SCGN: variants seen among roughly 807,000 people sequenced by gnomAD.
SCGN encodes the protein secretagogin.
A neutral mutation model predicts 39.7 loss-of-function variants in SCGN; 30 were observed. The ratio of observed to expected loss-of-function variants is 0.76; its 90% CI spans 0.57 to 1.03. The LOEUF is 1.03. Ranked by LOEUF, SCGN falls within the 50% of genes least tolerant of loss-of-function variation. The pLI is 0.00. For missense variants in SCGN, 353 were observed against 349.4 expected, an observed-to-expected ratio of 1.01 and a Z score of -0.08; for synonymous variants, 106 against 114.1, an observed-to-expected ratio of 0.93 and a Z score of 0.45.
intron 10 of SCGN, among the ~76,000 whole-genome samples, chr6:25,700,241 CAAAA>C (rs34079471): frequency 2.0e-5 from 2 of 100,870 alleles, no homozygotes; most frequent in African/African-American, 7.9e-5. Context: ...GACTTCGTCT[CAAAA>C]AAAAAAAAAA....
chr6:25,654,722 C>A (rs1196297527), intron 2 of SCGN, among the ~76,000 whole-genome samples: 1 of 152,042 alleles, frequency 6.6e-6, no homozygotes, highest in African/African-American at 2.4e-5. Flanking sequence ...ACCTTCATTT[C>A]TTTTCTCCAC....
chr6:25,697,862 G>T (rs1052647496), intron 10 of SCGN, among the ~76,000 whole-genome samples: 4 of 152,172 alleles, frequency 2.6e-5, no homozygotes, highest in Admixed American at 2.0e-4. Context: ...TACACTTTGG[G>T]ACCTGACTGC....
rs183019046 is a variant in SCGN at position 25,678,049 on chromosome 6, A to G, written c.472-3902A>G. On this transcript the variant is annotated intron_variant, in intron 6 of 10. Transcript: ENST00000377961. ...CTGAAAAACTCCAAAGTCCCTGAGG[A>G]GTCTCTTGCCAGAGAATGGGAACTA... 4.5e-3 allele frequency among the ~76,000 whole-genome samples: 690 copies of G among 152,362 alleles called. 2 individuals are homozygous for G. Among genetic ancestry groups the G allele is most frequent in the Non-Finnish European group, 7.7e-3 (524 of 68,032 alleles).
chr6:25,696,178 C>T (rs1213666031), intron 10 of SCGN, among the ~76,000 whole-genome samples: 1 of 152,102 alleles, frequency 6.6e-6, no homozygotes, highest in Non-Finnish European at 1.5e-5. Flanking sequence ...AGAGCTAGCC[C>T]TTAGCAAAAA....
chr6:25,652,356 G>T lies in SCGN; in HGVS notation c.-48G>T, dbSNP rs769368063. 19 of 1,489,880 alleles carry T rather than the reference G, an allele frequency of 1.3e-5. No individual in the cohort carries two copies. Among genetic ancestry groups the T allele is most frequent in the Admixed American group, 5.0e-5 (3 of 59,430 alleles). The allele number at this position is 1,489,880 out of a possible 1,614,324, so 92.3% of individuals were successfully genotyped here. A position where few individuals can be genotyped will look rare whatever the true frequency, so the allele number is the denominator to read the frequency against. ...ATACGGTGAAGGAGTCCTTCCCAAA[G>T]TTGTCTAGGTCCTTCCGCGCCGGTG... is the stretch of plus-strand genomic sequence containing the variant. On this transcript the variant is annotated 5_prime_UTR_variant, in exon 1 of 11. Transcript: ENST00000377961.
At chr6:25,688,699 G>A (rs184630035) in intron 7 of SCGN, among the ~76,000 whole-genome samples, 24 of 151,196 alleles carry the variant, frequency 1.6e-4, no homozygotes, top group Non-Finnish European at 3.2e-4. Flanking sequence ...CTACTTGGGA[G>A]GCTGAGGCAG....
In SCGN at chr6:25,672,333, A is replaced by G. The variant is rs577322774; in HGVS notation, c.471+2257A>G. ...AGGGGAGACTGACAACAAATAATAA[A>G]TGTAATTAATAATGCATTATATTGC... On this transcript the variant is annotated intron_variant, in intron 6 of 10. Coordinates refer to ENST00000377961, the MANE Select transcript of SCGN (RefSeq NM_006998.4). Among the ~76,000 whole-genome samples, 12 of 152,358 alleles carry G rather than the reference A, an allele frequency of 7.9e-5. No homozygotes were observed. The South Asian group carries it at 1.9e-3, about 24-fold the overall frequency.
At chr6:25,680,435 C>T (rs1302443728) in intron 6 of SCGN, among the ~76,000 whole-genome samples, 1 of 152,178 alleles carries the variant, frequency 6.6e-6, no homozygotes, top group Non-Finnish European at 1.5e-5. Context: ...GATTCTTATT[C>T]TTACGTGAGC....
At chr6:25,655,651 T>C (rs1760214321) in intron 2 of SCGN, among the ~76,000 whole-genome samples, 2 of 147,644 alleles carry the variant, frequency 1.4e-5, no homozygotes, top group Admixed American at 6.8e-5. Context: ...AATTTCAGTA[T>C]GCCTGAGAAT....
chr6:25,697,481 G>A (rs1197666398), intron 10 of SCGN, among the ~76,000 whole-genome samples: 1 of 152,214 alleles, frequency 6.6e-6, no homozygotes, highest in Non-Finnish European at 1.5e-5. Flanking sequence ...TCCAGTGTTG[G>A]AGTCATGATG....
At chr6:25,681,860 G>A in intron 6 of SCGN, 91 bp from the exon 7 acceptor site, 1 of 1,076,794 alleles carries the variant, frequency 9.3e-7, no homozygotes, top group South Asian at 1.3e-5. Flanking sequence ...AGGCAAATAT[G>A]TAATCAGAAG....
intron 10 of SCGN, among the ~76,000 whole-genome samples, chr6:25,700,241 C>CA (rs34079471): frequency 0.019 from 1,903 of 100,822 alleles, 40 homozygotes; most frequent in African/African-American, 0.04. Flanking sequence ...GACTTCGTCT[C>CA]AAAAAAAAAA....
chr6:25,681,812 TA>T, intron 6 of SCGN, 138 bp from the exon 7 acceptor site: 1 of 679,318 alleles, frequency 1.5e-6, no homozygotes, highest in Non-Finnish European at 2.7e-6. Flanking sequence ...TGACAAATAC[TA>T]ATTTTCCCCC....
At position 25,697,979 on chromosome 6, in the gene SCGN, A is replaced by G. The variant is rs1029964685; in HGVS notation, c.703-3228A>G. Among the ~76,000 whole-genome samples, 5 of 152,230 alleles carry G rather than the reference A, an allele frequency of 3.3e-5. No homozygotes were observed. The South Asian group carries it at 6.2e-4, about 19-fold the overall frequency. On this transcript the variant is annotated intron_variant, in intron 10 of 10. Transcript: ENST00000377961. ...TCATCTATAAATTAATGATGAAAGT[A>G]GATACAACCTCCTAGGGTTGTTCTG...
intron 6 of SCGN, among the ~76,000 whole-genome samples, chr6:25,678,063 G>C (rs1759588340): frequency 6.6e-6 from 1 of 152,340 alleles, no homozygotes; most frequent in Non-Finnish European, 1.5e-5. Context: ...TCTTGCCAGA[G>C]AATGGGAACT....
At chr6:25,681,808 A>T in intron 6 of SCGN, 143 bp from the exon 7 acceptor site, 1 of 672,080 alleles carries the variant, frequency 1.5e-6, no homozygotes, top group Non-Finnish European at 2.7e-6. Context: ...TCTGTGACAA[A>T]TACTAATTTT....
intron 7 of SCGN, among the ~76,000 whole-genome samples, chr6:25,687,524 A>G (rs1759720747): frequency 2.0e-5 from 3 of 152,076 alleles, no homozygotes; most frequent in Admixed American, 2.0e-4. Context: ...TTTTTATATT[A>G]ATCTGGTATT....
intron 6 of SCGN, among the ~76,000 whole-genome samples, chr6:25,670,729 GT>G (rs1297530897): frequency 6.6e-6 from 1 of 152,192 alleles, no homozygotes; most frequent in African/African-American, 2.4e-5. Flanking sequence ...TGTCATCCTT[GT>G]TCCAAGTGAC....
intron 3 of SCGN, among the ~76,000 whole-genome samples, chr6:25,663,904 A>C (rs187488565): frequency 6.6e-6 from 1 of 152,284 alleles, no homozygotes; most frequent in Non-Finnish European, 1.5e-5. Flanking sequence ...TTACACCTAA[A>C]TCCCTTCTGG....
Sources: allele counts gnomAD v4.1 joint callset (sites outside exome capture counted in the v4.1 genomes callset), GRCh38; gene constraint gnomAD v4.1.1; transcripts MANE v1.5; gene names NCBI Gene and HGNC (gene_info 2026-07-23, HGNC 2026-07-21).